Variants in SNF8 observed in about 807,000 individuals in gnomAD.
SNF8 encodes the protein vacuolar-sorting protein SNF8.
In SNF8, 19 loss-of-function variants were observed where a neutral mutation model predicts 36.8. The observed-to-expected ratio is 0.52, with a 90% CI of 0.36 to 0.76. SNF8 has a LOEUF of 0.76. SNF8 is among the 30% of genes least tolerant of loss of function. The pLI, the probability that SNF8 is intolerant of heterozygous loss-of-function variation, is 0.00. For synonymous variants in SNF8, 127 were observed against 127.4 expected (o/e 1.00, Z 0.02); for missense variants, 268 against 322.9 (o/e 0.83, Z 1.30).
chr17:48,936,354 A>G (rs2040933908), intron 4 of SNF8, 112 bp from the exon 5 acceptor site: 2 of 747,408 alleles, frequency 2.7e-6, no homozygotes, highest in Admixed American at 5.0e-5. Flanking sequence ...TCTAGTTCCT[A>G]ATTTTTTTTT....
intron 6 of SNF8, 92 bp downstream of exon 6, chr17:48,933,113 C>G: frequency 7.0e-7 from 1 of 1,421,094 alleles, no homozygotes. Flanking sequence ...AGCAAAAGAC[C>G]TGCATAATGG....
At chr17:48,942,210 C>T (rs1346433182) in intron 2 of SNF8, among the ~76,000 whole-genome samples, 3 of 152,088 alleles carry the variant, frequency 2.0e-5, no homozygotes, top group Non-Finnish European at 2.9e-5. Flanking sequence ...AAAATAAGCA[C>T]TCCTAGCCCA....
chr17:48,937,195 T>G lies in SNF8; in HGVS notation c.245-71A>C, dbSNP rs1461594548. 4 of 1,135,564 alleles carry G rather than the reference T, an allele frequency of 3.5e-6. No homozygotes were observed. The East Asian group carries it at 9.4e-5, about 27-fold the overall frequency. The allele number at this position is 1,135,564 out of a possible 1,614,324, so 70.3% of individuals were successfully genotyped here. ...CCCTTCTTTTCTTTCAAACCTGCATTAAAACATCTATCATATGGGAAGTCT... is the reference window on the plus strand; with the variant it reads ...CCCTTCTTTTCTTTCAAACCTGCATGAAAACATCTATCATATGGGAAGTCT... On this transcript the variant is annotated intron_variant, in intron 3 of 7. Transcript: ENST00000502492.
In SNF8 at chr17:48,930,412, C is replaced by A; in HGVS notation, c.*63G>T. On this transcript the variant is annotated 3_prime_UTR_variant, in exon 8 of 8. Transcript: ENST00000502492. ...TCTATTTTTTGTATAAACAAAATTG[C>A]CCAGGTTTATTTGCCACCTCCGCCT... The A allele has an allele frequency of 2.1e-6, 3 of 1,399,408 alleles. No homozygotes were observed. Among genetic ancestry groups the A allele is most frequent in the South Asian group, 1.7e-5 (1 of 58,682 alleles). The allele number at this position is 1,399,408 out of a possible 1,614,324, so 86.7% of individuals were successfully genotyped here. A position where few individuals can be genotyped will look rare whatever the true frequency, so the allele number is the denominator to read the frequency against.
chr17:48,930,709 G>C lies in SNF8; in HGVS notation c.640-97C>G, dbSNP rs1276434531. The C allele has an allele frequency of 3.0e-6, 4 of 1,318,858 alleles. No individual in the cohort carries two copies. In the East Asian group the frequency reaches 9.5e-5, roughly 31 times the overall value. 81.7% of individuals were successfully genotyped at this position (1,318,858 alleles called of 1,614,324 possible). ...CCCACACCTATTTTGGCTTCAGTGA[G>C]GTTTTCAAACTAAATCTACTAAGTG... On this transcript the variant is annotated intron_variant, in intron 7 of 7. Transcript: ENST00000502492.
At chr17:48,936,892 G>C in intron 4 of SNF8, 128 bp downstream of exon 4, 1 of 730,518 alleles carries the variant, frequency 1.4e-6, no homozygotes, top group Non-Finnish European at 2.4e-6. Context: ...TCAACTGCAT[G>C]AAACAGCTAA....
chr17:48,931,016 T>C (rs1381760457), intron 7 of SNF8, among the ~76,000 whole-genome samples: 1 of 152,210 alleles, frequency 6.6e-6, no homozygotes, highest in East Asian at 1.9e-4. Context: ...ACCATACTTA[T>C]GCAAGAATAG....
chr17:48,932,615 T>C (rs2040876101), intron 6 of SNF8: 1 of 152,096 alleles, frequency 6.6e-6, no homozygotes, highest in Non-Finnish European at 1.5e-5. Flanking sequence ...TAGCTGGGCG[T>C]GGTGGCACAC....
rs2041083380 is a variant in SNF8, at chr17:48,944,835, T to C, written c.-101A>G. The stretch of plus-strand genomic sequence containing the variant: ...CCAAGGCGGAAGCCCGAGCCGCGCG[T>C]CATCTGCACGCGCCGGAAGCCACGA... On this transcript the variant is annotated 5_prime_UTR_variant, in exon 1 of 8. Coordinates refer to ENST00000502492, the MANE Select transcript of SNF8 (RefSeq NM_007241.4). The C allele has an allele frequency of 1.4e-6, 2 of 1,393,246 alleles. No individual in the cohort carries two copies. The highest frequency in any genetic ancestry group is 1.5e-5 in the African/African-American group (1 of 65,796). 86.3% of individuals were successfully genotyped at this position (1,393,246 alleles called of 1,614,324 possible). A position where few individuals can be genotyped will look rare whatever the true frequency, so the allele number is the denominator to read the frequency against.
Position 48,937,081 on chromosome 17 carries a change from G to T in SNF8, c.288C>A (p.Phe96Leu), listed in dbSNP as rs1270209682. The change falls in exon 4 of 8, where the codon TTC (phenylalanine) becomes TTA (leucine). Residue 96 changes from phenylalanine (F) to leucine (L), a missense_variant. Phe to Leu is a conservative substitution (Grantham distance 22). Coordinates refer to ENST00000502492, the MANE Select transcript of SNF8 (RefSeq NM_007241.4). ...TAATTTGGACACCTAGTTCGTAATA[G>T]AAGTCCCCCACGCCCAGCATCTCAG... ...FWSEMLGVGD[F>L]YYELGVQIIE... The T allele has an allele frequency of 3.7e-6, 6 of 1,614,178 alleles. No homozygotes were observed. Among genetic ancestry groups the T allele is most frequent in the Non-Finnish European group, 5.1e-6 (6 of 1,180,024 alleles).
At chr17:48,936,939 G>A in intron 4 of SNF8, 81 bp downstream of exon 4, 2 of 1,056,680 alleles carry the variant, frequency 1.9e-6, no homozygotes, top group Non-Finnish European at 3.0e-6. Flanking sequence ...GTAGACTGCA[G>A]GATGGAAACG....
chr17:48,939,192 AAGG>A (rs1472817415), intron 3 of SNF8, among the ~76,000 whole-genome samples: 1 of 150,496 alleles, frequency 6.6e-6, no homozygotes, highest in African/African-American at 2.4e-5. Context: ...AACCCAGGAG[AAGG>A]AGGTTGCAGT....
chr17:48,940,453 C>T (rs2041002779), intron 3 of SNF8, among the ~76,000 whole-genome samples: 1 of 152,066 alleles, frequency 6.6e-6, no homozygotes, highest in Non-Finnish European at 1.5e-5. Context: ...GTCTATCTTC[C>T]ATATCAGACT....
intron 1 of SNF8, among the ~76,000 whole-genome samples, chr17:48,944,445 C>G (rs925245813): frequency 6.6e-6 from 1 of 152,186 alleles, no homozygotes; most frequent in African/African-American, 2.4e-5. Context: ...GAATCGACGA[C>G]TGTAGATTTG....
At chr17:48,942,355 A>G (rs1460937571) in intron 2 of SNF8, among the ~76,000 whole-genome samples, 2 of 151,414 alleles carry the variant, frequency 1.3e-5, no homozygotes, top group Non-Finnish European at 2.9e-5. Flanking sequence ...AAAAAAAAAG[A>G]AACCTCCACA....
intron 5 of SNF8, 45 bp downstream of exon 5, chr17:48,936,125 A>G (rs1259010367): frequency 3.5e-6 from 5 of 1,423,156 alleles, no homozygotes; most frequent in Non-Finnish European, 4.0e-6. Flanking sequence ...TCTGAATTTT[A>G]AAGACCTCTT....
At position 48,930,035 on chromosome 17, in the gene SNF8, C is replaced by T. The variant is rs1388045098; in HGVS notation, c.*440G>A. The T allele has an allele frequency of 6.6e-6, 1 of 152,570 alleles. No individual in the cohort carries two copies. Among genetic ancestry groups the T allele is most frequent in the Non-Finnish European group, 1.5e-5 (1 of 68,334 alleles). 9.5% of individuals were successfully genotyped at this position (152,570 alleles called of 1,614,324 possible). On this transcript the variant is annotated 3_prime_UTR_variant, in exon 8 of 8. Coordinates refer to ENST00000502492, the MANE Select transcript of SNF8 (RefSeq NM_007241.4). ...ACTCTGTCATAACCTAGAGCCTCTA[C>T]AGAGGAAGCCAGAAGAGACTGAAAG...
chr17:48,936,971 CCT>C, intron 4 of SNF8, 47 bp downstream of exon 4: 5 of 1,316,878 alleles, frequency 3.8e-6, no homozygotes, highest in Non-Finnish European at 5.5e-6. Flanking sequence ...CGGTTTTCTC[CCT>C]CTCAGAGAAG....
intron 2 of SNF8, 110 bp from the exon 3 acceptor site, chr17:48,941,172 C>G (rs1598092714): frequency 8.4e-7 from 1 of 1,192,606 alleles, no homozygotes; most frequent in East Asian, 2.4e-5. Flanking sequence ...AACCAGTCTC[C>G]CTCAGCCTAC....
Sources: allele counts gnomAD v4.1 joint callset (sites outside exome capture counted in the v4.1 genomes callset), GRCh38; gene constraint gnomAD v4.1.1; transcripts MANE v1.5; gene names NCBI Gene and HGNC (gene_info 2026-07-23, HGNC 2026-07-21).